SCGB2B2: variants seen among roughly 807,000 people sequenced by gnomAD.
SCGB2B2 encodes the protein secretoglobin family 2B member 2, also known as secretoglobin-like protein.
In SCGB2B2, 11 loss-of-function variants were observed where a neutral mutation model predicts 7.6. The ratio of observed to expected loss-of-function variants is 1.45; its 90% confidence interval spans 0.91 to 2.40. SCGB2B2 has a LOEUF of 2.40. Ranked by LOEUF, SCGB2B2 falls within the 30% of genes most tolerant of loss-of-function variation. The pLI is 0.00. For missense variants in SCGB2B2, 104 were observed against 115.4 expected, an observed-to-expected ratio of 0.90 and a Z score of 0.45; for synonymous variants, 50 against 48.6, an observed-to-expected ratio of 1.03 and a Z score of -0.12.
At chr19:34,605,441 A>T (rs1185210311) in intron 1 of SCGB2B2, among the ~76,000 whole-genome samples, 2 of 152,192 alleles carry the variant, frequency 1.3e-5, no homozygotes, top group East Asian at 3.9e-4. Context: ...AGTGGCCACC[A>T]GCTTGTTCTT....
chr19:34,594,469 C>T (rs540550706), intron 2 of SCGB2B2, 34 bp downstream of exon 2: 23 of 1,609,090 alleles, frequency 1.4e-5, no homozygotes, highest in Middle Eastern at 1.7e-4. Flanking sequence ...GCAGGGCCAC[C>T]GCTTCCTCCC....
At chr19:34,615,281 C>G (rs2066039913) in intron 1 of SCGB2B2, among the ~76,000 whole-genome samples, 2 of 152,170 alleles carry the variant, frequency 1.3e-5, no homozygotes, top group Admixed American at 6.5e-5. Flanking sequence ...CTCAGTCAGG[C>G]TTAGTGTCTA....
At chr19:34,596,758 G>A (rs2065468863) in intron 1 of SCGB2B2, among the ~76,000 whole-genome samples, 164 bp from the exon 2 acceptor site, 1 of 152,068 alleles carries the variant, frequency 6.6e-6, no homozygotes, top group Non-Finnish European at 1.5e-5. Context: ...TGGGGACAGA[G>A]GCTGGGAGAC....
intron 1 of SCGB2B2, among the ~76,000 whole-genome samples, chr19:34,616,913 G>GT (rs2066099285): frequency 6.6e-6 from 1 of 152,172 alleles, no homozygotes; most frequent in African/African-American, 2.4e-5. Context: ...TGGCTAGCCA[G>GT]TTTTCCCAGC....
chr19:34,599,433 T>TG (rs1318579969), intron 1 of SCGB2B2, among the ~76,000 whole-genome samples: 13 of 152,222 alleles, frequency 8.5e-5, no homozygotes, highest in African/African-American at 2.4e-4. Context: ...TCCACGTGGC[T>TG]GGGGAGGCCT....
chr19:34,604,563 G>A (rs1434341234), intron 1 of SCGB2B2, among the ~76,000 whole-genome samples: 1 of 152,154 alleles, frequency 6.6e-6, no homozygotes, highest in Non-Finnish European at 1.5e-5. Context: ...TGAATTTTCA[G>A]GTTGTTTGTG....
chr19:34,611,888 C>T (rs573247227), intron 1 of SCGB2B2, among the ~76,000 whole-genome samples: 2 of 151,914 alleles, frequency 1.3e-5, no homozygotes, highest in African/African-American at 2.4e-5. Flanking sequence ...CTCCTGACCT[C>T]GTGATCCACC....
intron 1 of SCGB2B2, among the ~76,000 whole-genome samples, chr19:34,674,310 G>A (rs942050520): frequency 5.3e-5 from 8 of 152,142 alleles, no homozygotes; most frequent in Admixed American, 3.9e-4. Flanking sequence ...ATCTCTAGAA[G>A]AGAAAGGCAC....
At chr19:34,664,965 C>A (rs1320946084) in intron 1 of SCGB2B2, among the ~76,000 whole-genome samples, 1 of 152,206 alleles carries the variant, frequency 6.6e-6, no homozygotes, top group Non-Finnish European at 1.5e-5. Context: ...GACCCCAGGG[C>A]ACCTCCTGCC....
At chr19:34,661,735 TGCGGCCTGCA>T (rs2067462634) in intron 1 of SCGB2B2, among the ~76,000 whole-genome samples, 1 of 152,204 alleles carries the variant, frequency 6.6e-6, no homozygotes, top group African/African-American at 2.4e-5. Flanking sequence ...TTGTCCAACC[TGCGGCCTGCA>T]GGCCCCATGC....
chr19:34,649,712 G>A (rs537462432), intron 1 of SCGB2B2, among the ~76,000 whole-genome samples: 2 of 152,020 alleles, frequency 1.3e-5, no homozygotes, highest in African/African-American at 4.8e-5. Flanking sequence ...ATTTTAGCTG[G>A]GTGTGGTGGC....
chr19:34,608,657 TTGCATATATA>T (rs1336450370), intron 1 of SCGB2B2: 1 of 35,870 alleles, frequency 2.8e-5, no homozygotes, highest in African/African-American at 2.0e-4. Flanking sequence ...TAGTGTCTCA[TTGCATATATA>T]TATATATATA....
At chr19:34,620,021 A>G (rs1348921469) in intron 1 of SCGB2B2, among the ~76,000 whole-genome samples, 1 of 152,210 alleles carries the variant, frequency 6.6e-6, no homozygotes, top group Non-Finnish European at 1.5e-5. Context: ...TTAAAAAAAA[A>G]TAGAACACAT....
intron 1 of SCGB2B2, among the ~76,000 whole-genome samples, chr19:34,629,068 A>G (rs1264265904): frequency 1.3e-5 from 2 of 151,994 alleles, no homozygotes; most frequent in Non-Finnish European, 2.9e-5. Context: ...AAAATTCAAC[A>G]GCTCTTCATG....
At chr19:34,635,030 G>T (rs1384786248) in intron 1 of SCGB2B2, 3 of 294,296 alleles carry the variant, frequency 1.0e-5, no homozygotes, top group South Asian at 4.3e-5. Context: ...TCTCCAGTGT[G>T]GATTCTCCAA....
At chr19:34,587,788 CA>C (rs1488558056), downstream of SCGB2B2, among the ~76,000 whole-genome samples, 1 of 152,146 alleles carries the variant, frequency 6.6e-6, no homozygotes, top group Non-Finnish European at 1.5e-5. Flanking sequence ...TCGAGATGTT[CA>C]TATGGTTCTT....
intron 1 of SCGB2B2, chr19:34,635,352 G>C (rs752592179): frequency 1.8e-5 from 5 of 285,692 alleles, no homozygotes; most frequent in African/African-American, 4.6e-5. Context: ...GCATCTGTAA[G>C]CCCTTTCTCC....
rs142485788 is a variant in SCGB2B2, at chr19:34,674,823, T to A, written c.-2032+807A>T. Reference sequence around the variant, plus strand: ...AAGAATTTCATAACCAGAAACATTATGCCAAACTCCAGAAAACACATTCAG... The same window carrying A: ...AAGAATTTCATAACCAGAAACATTAAGCCAAACTCCAGAAAACACATTCAG... On this transcript the variant is annotated intron_variant, in intron 1 of 3. Transcript: ENST00000601241. Among the ~76,000 whole-genome samples, 617 of 152,364 alleles carry A rather than the reference T, an allele frequency of 4.0e-3. 4 individuals are homozygous for A. Among genetic ancestry groups the A allele is most frequent in the African/African-American group, 0.014 (584 of 41,578 alleles).
chr19:34,660,555 C>G (rs1026545241), intron 1 of SCGB2B2, among the ~76,000 whole-genome samples: 4 of 152,174 alleles, frequency 2.6e-5, no homozygotes, highest in African/African-American at 9.7e-5. Flanking sequence ...CACTGGTCAT[C>G]AGAGAAATGC....
Sources: gnomAD v4.1 joint callset for allele counts (sites outside exome capture counted in the v4.1 genomes callset) on GRCh38, gnomAD v4.1.1 for gene constraint, MANE v1.5 for transcripts, NCBI Gene and HGNC (gene_info 2026-07-23, HGNC 2026-07-21) for gene names.